LRCH2: variants seen among roughly 807,000 people sequenced by gnomAD.
LRCH2 encodes leucine rich repeats and calponin homology domain containing 2, also known as leucine-rich repeat and calponin homology domain-containing protein 2.
In LRCH2, 38 loss-of-function variants were observed where a neutral mutation model predicts 68.9. The ratio of observed to expected loss-of-function variants is 0.55; its 90% confidence interval spans 0.43 to 0.72. The LOEUF (loss-of-function observed/expected upper bound fraction) is 0.72, where lower values mean the gene tolerates loss of function less well. Among genes scored for constraint, LRCH2 ranks in the 30% least tolerant of loss-of-function variants. The probability of loss-of-function intolerance (pLI) is 0.00; values close to 1 mark genes in which losing one functional copy is unlikely to be tolerated. For missense variants in LRCH2, 528 were observed against 572.9 expected (o/e 0.92, Z 0.80); for synonymous variants, 191 against 208.1 (o/e 0.92, Z 0.71).
chrX:115,147,918 G>A (rs2072400423), intron 14 of LRCH2, among the ~76,000 whole-genome samples: 1 of 110,715 alleles, frequency 9.0e-6, no homozygotes, highest in Admixed American at 9.7e-5. Flanking sequence ...AGGGCACTGG[G>A]GGACATACCT....
intron 20 of LRCH2, among the ~76,000 whole-genome samples, chrX:115,121,225 G>GA (rs1390913741): frequency 9.1e-6 from 1 of 110,355 alleles, no homozygotes; most frequent in Admixed American, 9.6e-5. Context: ...TTTTAAAAAA[G>GA]AAAAAATGGC....
chrX:115,129,511 G>GAGCTGGC (rs1441683275), intron 15 of LRCH2, among the ~76,000 whole-genome samples: 2 of 111,330 alleles, frequency 1.8e-5, no homozygotes, highest in Non-Finnish European at 3.8e-5. Flanking sequence ...ATCGGCATCT[G>GAGCTGGC]AGCTGGCAGA....
At chrX:115,140,916 C>A (rs2072332066) in intron 14 of LRCH2, among the ~76,000 whole-genome samples, 3 of 110,896 alleles carry the variant, frequency 2.7e-5, no homozygotes. Flanking sequence ...AAAAATAAGA[C>A]ACAATGACCT....
At chrX:115,127,059 G>C (rs2072206368) in intron 15 of LRCH2, among the ~76,000 whole-genome samples, 166 bp from the exon 16 acceptor site, 1 of 111,780 alleles carries the variant, frequency 8.9e-6, no homozygotes, top group South Asian at 3.7e-4. Context: ...TAAACCAGCA[G>C]CATAGGGATC....
chrX:115,171,481 A>G (rs1045155366), intron 5 of LRCH2, among the ~76,000 whole-genome samples: 5 of 110,945 alleles, frequency 4.5e-5, no homozygotes, highest in African/African-American at 1.6e-4. Flanking sequence ...TAAAATTAAA[A>G]TGTGAGGTAG....
In LRCH2 at chrX:115,123,992, C is replaced by A. The variant is rs1556526810; in HGVS notation, c.1802G>T (p.Arg601Ile). The change falls in exon 17 of 21, where the codon AGA (arginine) becomes ATA (isoleucine). Residue 601 changes from arginine (R) to isoleucine (I), a missense_variant. Physicochemically the swap from Arg to Ile is moderately conservative, Grantham distance 97 (BLOSUM62 -3). Coordinates refer to ENST00000317135, the MANE Select transcript of LRCH2 (RefSeq NM_020871.4). ...GGGACTGTGTGAAAAACCATCAGTT[C>A]TGTCATATTCCTAAAAAAAAATTAA... ...QSPVSSEEYD[R>I]TDGFSHSPFG... 1 of 1,056,280 alleles carries A rather than the reference C, an allele frequency of 9.5e-7. No homozygotes were observed. Among genetic ancestry groups the A allele is most frequent in the East Asian group, 3.5e-5 (1 of 28,252 alleles). 87.0% of individuals were successfully genotyped at this position (1,056,280 alleles called of 1,213,427 possible).
intron 1 of LRCH2, among the ~76,000 whole-genome samples, chrX:115,218,536 C>T (rs782546270): frequency 2.0e-4 from 22 of 112,665 alleles, no homozygotes; most frequent in South Asian, 1.1e-3. Flanking sequence ...TTTGCATAGG[C>T]GTATAACTTT....
intron 20 of LRCH2, among the ~76,000 whole-genome samples, chrX:115,113,956 C>A (rs1056587301): frequency 1.6e-4 from 18 of 111,035 alleles, no homozygotes; most frequent in Admixed American, 3.9e-4. Context: ...TATACCCTCT[C>A]TTTTGGTATT....
chrX:115,179,913 T>G (rs1157083160), intron 3 of LRCH2, among the ~76,000 whole-genome samples, 162 bp from the exon 4 acceptor site: 2 of 110,832 alleles, frequency 1.8e-5, no homozygotes, highest in Admixed American at 1.9e-4. Context: ...AGATTTCTAT[T>G]TATACGACAT....
intron 14 of LRCH2, among the ~76,000 whole-genome samples, chrX:115,136,484 C>CT (rs782475566): frequency 0.11 from 11,248 of 105,024 alleles, 595 homozygotes; most frequent in Non-Finnish European, 0.16. Flanking sequence ...TTATTTTTAC[C>CT]TTTTTTTTTT....
At chrX:115,217,460 T>C (rs2073049042) in intron 1 of LRCH2, among the ~76,000 whole-genome samples, 1 of 111,183 alleles carries the variant, frequency 9.0e-6, no homozygotes, top group Non-Finnish European at 1.9e-5. Flanking sequence ...CTCCCACTTA[T>C]GAGTGGGAAC....
chrX:115,222,383 T>C (rs1327683875), intron 1 of LRCH2, among the ~76,000 whole-genome samples: 1 of 112,077 alleles, frequency 8.9e-6, no homozygotes. Flanking sequence ...CTGCTTAACA[T>C]TATTGAAACT....
At chrX:115,149,774 CAAAAT>C (rs1286757746) in intron 14 of LRCH2, 48 bp downstream of exon 14, 4 of 808,541 alleles carry the variant, frequency 4.9e-6, no homozygotes, top group Non-Finnish European at 6.9e-6. Flanking sequence ...ACAAAACTGA[CAAAAT>C]AAAAACTAAT....
chrX:115,164,649 AC>A (rs1556543595), intron 10 of LRCH2, among the ~76,000 whole-genome samples: 1 of 111,586 alleles, frequency 9.0e-6, no homozygotes, highest in East Asian at 2.8e-4. Context: ...ACTAGTGGAC[AC>A]TGGCTAAGTG....
chrX:115,190,326 C>A, intron 1 of LRCH2: 1 of 1,157,810 alleles, frequency 8.6e-7, no homozygotes. Context: ...CAGATCATCC[C>A]AGCAAAGGCT....
At chrX:115,135,404 C>T (rs2072281905) in intron 14 of LRCH2, among the ~76,000 whole-genome samples, 1 of 111,039 alleles carries the variant, frequency 9.0e-6, no homozygotes, top group East Asian at 2.8e-4. Flanking sequence ...GCTAGGATTA[C>T]AGGCATGAGC....
intron 5 of LRCH2, among the ~76,000 whole-genome samples, chrX:115,173,330 G>A (rs1208821662): frequency 1.8e-5 from 2 of 111,389 alleles, no homozygotes; most frequent in African/African-American, 6.5e-5. Flanking sequence ...CATTTATTTA[G>A]TACTGATTAA....
chrX:115,207,375 C>CA (rs1346999854), intron 1 of LRCH2, among the ~76,000 whole-genome samples: 3 of 109,485 alleles, frequency 2.7e-5, no homozygotes, highest in East Asian at 2.9e-4. Flanking sequence ...CCTATCTCTA[C>CA]AAAAAAATAC....
chrX:115,118,997 T>C (rs1317133064), intron 20 of LRCH2, among the ~76,000 whole-genome samples: 1 of 111,380 alleles, frequency 9.0e-6, no homozygotes, highest in African/African-American at 3.3e-5. Context: ...CTCAATAAAT[T>C]AGGTATTGAT....
Sources: gnomAD v4.1 joint callset for allele counts (sites outside exome capture counted in the v4.1 genomes callset) on GRCh38, gnomAD v4.1.1 for gene constraint, MANE v1.5 for transcripts, NCBI Gene and HGNC (gene_info 2026-07-23, HGNC 2026-07-21) for gene names.